PFDN1: variants seen among roughly 807,000 people sequenced by gnomAD.
The protein encoded by PFDN1 is prefoldin 1.
In PFDN1, 6 loss-of-function variants were observed where a neutral mutation model predicts 17.3. The ratio of observed to expected loss-of-function variants is 0.35; its 90% CI spans 0.19 to 0.69. PFDN1 has a LOEUF of 0.69. Among genes scored for constraint, PFDN1 ranks in the 30% least tolerant of loss-of-function variants. The probability of loss-of-function intolerance (pLI) is 0.65; values close to 1 mark genes in which losing one functional copy is unlikely to be tolerated. For synonymous variants in PFDN1, 58 were observed against 50.1 expected, an observed-to-expected ratio of 1.16 and a Z score of -0.67; for missense variants, 113 against 146.2, an observed-to-expected ratio of 0.77 and a Z score of 1.17.
At chr5:140,269,957 T>C (rs559348018) in intron 3 of PFDN1, among the ~76,000 whole-genome samples, 6 of 152,360 alleles carry the variant, frequency 3.9e-5, no homozygotes, top group South Asian at 2.1e-4. Context: ...TTTCTATTTA[T>C]GGCTGAAATG....
At chr5:140,268,598 A>C (rs2053056) in intron 3 of PFDN1, among the ~76,000 whole-genome samples, 71,826 of 151,996 alleles carry the variant, frequency 0.47, 17,212 homozygotes, top group South Asian at 0.71. Flanking sequence ...TGAGCCAAGA[A>C]TGCACCACTG....
chr5:140,262,789 T>TA (rs578061587), intron 3 of PFDN1, among the ~76,000 whole-genome samples: 131 of 143,558 alleles, frequency 9.1e-4, no homozygotes, highest in Non-Finnish European at 9.8e-4. Context: ...ATCATTTGTG[T>TA]AAAAAAAAAA....
At chr5:140,259,688 G>A (rs1429039075) in intron 3 of PFDN1, among the ~76,000 whole-genome samples, 1 of 152,200 alleles carries the variant, frequency 6.6e-6, no homozygotes, top group Non-Finnish European at 1.5e-5. Flanking sequence ...TGCCTGCTGA[G>A]AGAGGAAGTA....
intron 3 of PFDN1, among the ~76,000 whole-genome samples, chr5:140,276,015 T>TTGATGA (rs57224353): frequency 3.2e-3 from 477 of 149,372 alleles, no homozygotes; most frequent in East Asian, 0.013. Context: ...AGAAGAGAAA[T>TTGATGA]TGATGATGAT....
chr5:140,301,527 G>A (rs1219999868), intron 1 of PFDN1, among the ~76,000 whole-genome samples: 8 of 152,134 alleles, frequency 5.3e-5, no homozygotes, highest in Non-Finnish European at 1.5e-5. Context: ...TCACCTACTA[G>A]TAAGGTTTTG....
chr5:140,283,553 G>A (rs1039944123), intron 2 of PFDN1, among the ~76,000 whole-genome samples: 1 of 152,154 alleles, frequency 6.6e-6, no homozygotes, highest in African/African-American at 2.4e-5. Context: ...GATGATCTTA[G>A]TCTTCAGTAG....
At chr5:140,253,587 G>A (rs1212074636) in intron 3 of PFDN1, among the ~76,000 whole-genome samples, 1 of 152,212 alleles carries the variant, frequency 6.6e-6, no homozygotes, top group African/African-American at 2.4e-5. Flanking sequence ...AAAGCTCAGA[G>A]TGAAGCACAG....
At chr5:140,274,992 CAAA>C (rs1268320654) in intron 3 of PFDN1, among the ~76,000 whole-genome samples, 30 of 65,624 alleles carry the variant, frequency 4.6e-4, no homozygotes, top group Non-Finnish European at 7.8e-4. Flanking sequence ...GACTTCATCT[CAAA>C]AAAAAAAAAA....
intron 3 of PFDN1, among the ~76,000 whole-genome samples, chr5:140,249,765 G>A (rs1764885413): frequency 6.6e-6 from 1 of 152,096 alleles, no homozygotes; most frequent in South Asian, 2.1e-4. Flanking sequence ...GAGAGAGGAG[G>A]TGCCAGGCTC....
chr5:140,262,900 T>TA (rs150963611), intron 3 of PFDN1, among the ~76,000 whole-genome samples: 88 of 149,212 alleles, frequency 5.9e-4, no homozygotes, highest in Admixed American at 1.6e-3. Flanking sequence ...TTTTCCAAAT[T>TA]AAAAAAAAAA....
intron 2 of PFDN1, among the ~76,000 whole-genome samples, chr5:140,298,644 TTAA>T (rs1422570517): frequency 6.6e-6 from 1 of 152,180 alleles, no homozygotes; most frequent in African/African-American, 2.4e-5. Flanking sequence ...ATGTACGAAG[TTAA>T]TAATGTATTA....
chr5:140,301,981 GAAC>G (rs1765754766), intron 1 of PFDN1, among the ~76,000 whole-genome samples: 2 of 152,164 alleles, frequency 1.3e-5, no homozygotes, highest in Admixed American at 6.5e-5. Flanking sequence ...AAGACAAGAA[GAAC>G]AAAAGCAAGA....
chr5:140,302,591 A>C (rs1765764985), intron 1 of PFDN1, among the ~76,000 whole-genome samples: 1 of 152,228 alleles, frequency 6.6e-6, no homozygotes, highest in African/African-American at 2.4e-5. Flanking sequence ...GCAACTTTCA[A>C]GGTACAGAAC....
At chr5:140,299,998 C>T (rs966641362) in intron 2 of PFDN1, among the ~76,000 whole-genome samples, 2 of 151,978 alleles carry the variant, frequency 1.3e-5, no homozygotes, top group African/African-American at 2.4e-5. Context: ...GGCGATATAG[C>T]GAAAACTCCG....
chr5:140,298,348 T>C (rs928436149), intron 2 of PFDN1, among the ~76,000 whole-genome samples: 1 of 152,070 alleles, frequency 6.6e-6, no homozygotes, highest in African/African-American at 2.4e-5. Context: ...AAACAAGTCA[T>C]CCCGAGACTG....
chr5:140,264,730 A>G (rs1381344242), intron 3 of PFDN1, among the ~76,000 whole-genome samples: 2 of 152,060 alleles, frequency 1.3e-5, no homozygotes, highest in African/African-American at 4.8e-5. Flanking sequence ...CTATAGTCTC[A>G]GCTACTGAGG....
intron 3 of PFDN1, among the ~76,000 whole-genome samples, chr5:140,253,626 A>G (rs1437298358): frequency 2.0e-5 from 3 of 152,176 alleles, no homozygotes; most frequent in East Asian, 3.8e-4. Context: ...TCCTAATGCA[A>G]TATGGTGCTG....
intron 3 of PFDN1, among the ~76,000 whole-genome samples, chr5:140,248,222 C>G (rs1764860688): frequency 6.6e-6 from 1 of 151,970 alleles, no homozygotes; most frequent in Non-Finnish European, 1.5e-5. Flanking sequence ...GCACACACCA[C>G]CACGCTGGCT....
chr5:140,271,120 A>G (rs141070993), intron 3 of PFDN1, among the ~76,000 whole-genome samples: 1 of 152,286 alleles, frequency 6.6e-6, no homozygotes, highest in African/African-American at 2.4e-5. Context: ...GAAAAAGAGC[A>G]TATATGGTGG....
Sources: allele counts gnomAD v4.1 joint callset (sites outside exome capture counted in the v4.1 genomes callset), GRCh38; gene constraint gnomAD v4.1.1; transcripts MANE v1.5; gene names NCBI Gene and HGNC (gene_info 2026-07-23, HGNC 2026-07-21).